CBL: variants seen among roughly 807,000 people sequenced by gnomAD.
The protein encoded by CBL is Cbl proto-oncogene.
In CBL, 45 loss-of-function variants were observed where a neutral mutation model predicts 96.9. The observed-to-expected ratio is 0.46, with a 90% CI of 0.37 to 0.60. The LOEUF (loss-of-function observed/expected upper bound fraction) is 0.60. Ranked by LOEUF, CBL falls within the 20% of genes least tolerant of loss-of-function variation. CBL has a pLI of 0.00. For missense variants in CBL, 1,024 were observed against 1,143.5 expected (o/e 0.90, Z 1.51); for synonymous variants, 420 against 426.8 (o/e 0.98, Z 0.20).
chr11:119,226,426 G>A (rs182401392), intron 1 of CBL, among the ~76,000 whole-genome samples: 1 of 152,238 alleles, frequency 6.6e-6, no homozygotes, highest in South Asian at 2.1e-4. Context: ...CTTTGATTTT[G>A]TGGTTAAAAG....
chr11:119,255,708 G>A (rs1035013616), intron 2 of CBL, among the ~76,000 whole-genome samples: 1 of 152,044 alleles, frequency 6.6e-6, no homozygotes, highest in Non-Finnish European at 1.5e-5. Context: ...TGAACAGTTT[G>A]TAAAAGAGTT....
intron 14 of CBL, 59 bp from the exon 15 acceptor site, chr11:119,298,299 G>C: frequency 6.9e-7 from 1 of 1,448,232 alleles, no homozygotes; most frequent in Non-Finnish European, 9.7e-7. Flanking sequence ...GCCCCGTATT[G>C]AAATGTATTA....
In CBL at chr11:119,296,926, C is replaced by G; in HGVS notation, c.2045C>G (p.Pro682Arg). ...AIYSLAARPL[P>R]VPKLPPGEQC... ...TATTCTTCATCTTCCAGACCTCTTCCTGTGCCAAAACTGCCACCTGGGGAG... is the reference window on the plus strand; with the variant it reads ...TATTCTTCATCTTCCAGACCTCTTCGTGTGCCAAAACTGCCACCTGGGGAG... The change falls in exon 13 of 16, where the codon CCT (proline) becomes CGT (arginine). Residue 682 changes from proline (P) to arginine (R), a missense_variant. Pro to Arg is a moderately radical substitution (Grantham distance 103). Coordinates refer to ENST00000264033, the MANE Select transcript of CBL (RefSeq NM_005188.4). 1 of 1,575,880 alleles carries G rather than the reference C, an allele frequency of 6.3e-7. No homozygotes were observed. Among genetic ancestry groups the G allele is most frequent in the Non-Finnish European group, 8.7e-7 (1 of 1,145,212 alleles).
intron 12 of CBL, among the ~76,000 whole-genome samples, chr11:119,293,419 T>C (rs937938583): frequency 1.6e-4 from 25 of 152,174 alleles, no homozygotes; most frequent in African/African-American, 5.5e-4. Flanking sequence ...ATCTTCTTTT[T>C]TTTATTGAAC....
intron 9 of CBL, among the ~76,000 whole-genome samples, chr11:119,280,109 C>A (rs1328081525): frequency 6.6e-6 from 1 of 152,226 alleles, no homozygotes; most frequent in African/African-American, 2.4e-5. Flanking sequence ...TGTATTTTGT[C>A]ATTTGGCCAT....
At chr11:119,217,048 CAAAAT>C (rs1949367476) in intron 1 of CBL, among the ~76,000 whole-genome samples, 1 of 152,194 alleles carries the variant, frequency 6.6e-6, no homozygotes, top group African/African-American at 2.4e-5. Context: ...AGTTCAATCT[CAAAAT>C]AATGTGTCTT....
At chr11:119,249,343 G>A (rs1013247733) in intron 2 of CBL, among the ~76,000 whole-genome samples, 1 of 152,118 alleles carries the variant, frequency 6.6e-6, no homozygotes, top group African/African-American at 2.4e-5. Flanking sequence ...AACACTTGAA[G>A]TCAGGAGTTT....
intron 1 of CBL, among the ~76,000 whole-genome samples, chr11:119,219,975 G>T (rs1347930731): frequency 6.6e-6 from 1 of 151,340 alleles, no homozygotes; most frequent in East Asian, 2.0e-4. Flanking sequence ...TCAGCCACCC[G>T]AGTAGCTGGG....
At chr11:119,236,194 C>G (rs922752812) in intron 2 of CBL, among the ~76,000 whole-genome samples, 1 of 152,102 alleles carries the variant, frequency 6.6e-6, no homozygotes, top group Non-Finnish European at 1.5e-5. Flanking sequence ...AACAGGAAAC[C>G]CCACTCCCAT....
At position 119,298,519 on chromosome 11, in the gene CBL, C is replaced by CTGG. The variant is rs777761446; in HGVS notation, c.2414_2416dup (p.Leu805_Asp806insVal). The CTGG allele has an allele frequency of 7.4e-6, 12 of 1,614,098 alleles. No homozygotes were observed. In the Admixed American group the frequency reaches 1.2e-4, roughly 16 times the overall value. ...CAGCTCCTCCTTTGGCTGGTTGTCT[C>CTGG]TGGATGGTGATCCTACAACAAGTGA... On this transcript the variant is annotated inframe_insertion, in exon 15 of 16. Coordinates refer to ENST00000264033, the MANE Select transcript of CBL (RefSeq NM_005188.4).
At chr11:119,228,590 G>C (rs1352490420) in intron 1 of CBL, among the ~76,000 whole-genome samples, 2 of 148,390 alleles carry the variant, frequency 1.3e-5, no homozygotes, top group African/African-American at 5.0e-5. Context: ...TGAGCGACAA[G>C]AGCAAAACTC....
At position 119,301,957 on chromosome 11, in the gene CBL, T is replaced by C. The variant is rs143211426; in HGVS notation, c.*2176T>C. ...ATTGTAATTTTTCTTTATCTGCAGA[T>C]ATTGCCTGTAGTCTAAAGATCTCTT... On this transcript the variant is annotated 3_prime_UTR_variant, in exon 16 of 16. Coordinates refer to ENST00000264033, the MANE Select transcript of CBL (RefSeq NM_005188.4). The C allele has an allele frequency of 2.6e-3, 596 of 233,256 alleles. 2 individuals are homozygous for C. Among genetic ancestry groups the C allele is most frequent in the African/African-American group, 0.011 (498 of 45,476 alleles). 14.4% of individuals were successfully genotyped at this position (233,256 alleles called of 1,614,324 possible).
At chr11:119,219,527 A>G (rs1949391251) in intron 1 of CBL, among the ~76,000 whole-genome samples, 1 of 152,028 alleles carries the variant, frequency 6.6e-6, no homozygotes, top group Non-Finnish European at 1.5e-5. Flanking sequence ...TGATTGGTGC[A>G]ATTGGGTTTG....
At chr11:119,233,577 C>T (rs1949520856) in intron 2 of CBL, among the ~76,000 whole-genome samples, 1 of 152,110 alleles carries the variant, frequency 6.6e-6, no homozygotes, top group African/African-American at 2.4e-5. Flanking sequence ...GGCTATCCTG[C>T]ATATTGTTAG....
chr11:119,277,333 T>C (rs989993844), intron 6 of CBL, among the ~76,000 whole-genome samples: 26 of 151,680 alleles, frequency 1.7e-4, no homozygotes, highest in Non-Finnish European at 3.8e-4. Context: ...CTGTGACCCA[T>C]GGGCCACCTG....
At chr11:119,235,680 G>A (rs1949540323) in intron 2 of CBL, among the ~76,000 whole-genome samples, 1 of 152,162 alleles carries the variant, frequency 6.6e-6, no homozygotes, top group Admixed American at 6.5e-5. Flanking sequence ...AAAAAAGTCT[G>A]TGTATAAGTG....
chr11:119,306,425 C>A lies in CBL; in HGVS notation c.*6644C>A, dbSNP rs1950141697. ...CCACCAACATTGCCTCTCCTACATT[C>A]TCCTTCTGCCCCTAAATCAGACAGG... On this transcript the variant is annotated 3_prime_UTR_variant, in exon 16 of 16. Transcript: ENST00000264033. The A allele has an allele frequency of 2.5e-6, 1 of 398,514 alleles. No individual in the cohort carries two copies. Among genetic ancestry groups the A allele is most frequent in the South Asian group, 1.3e-4 (1 of 7,828 alleles). The allele number at this position is 398,514 out of a possible 1,614,324, so 24.7% of individuals were successfully genotyped here.
intron 2 of CBL, among the ~76,000 whole-genome samples, chr11:119,259,604 T>C (rs1592390858): frequency 6.6e-6 from 1 of 152,174 alleles, no homozygotes; most frequent in African/African-American, 2.4e-5. Flanking sequence ...GGGAGAATTA[T>C]GATAGATACC....
At chr11:119,227,338 TTAGGA>T (rs1440886093) in intron 1 of CBL, among the ~76,000 whole-genome samples, 1 of 152,138 alleles carries the variant, frequency 6.6e-6, no homozygotes, top group African/African-American at 2.4e-5. Flanking sequence ...TACCTTCAAC[TTAGGA>T]TAGGTTTATT....
Sources: allele counts gnomAD v4.1 joint callset (sites outside exome capture counted in the v4.1 genomes callset), GRCh38; gene constraint gnomAD v4.1.1; transcripts MANE v1.5; gene names NCBI Gene and HGNC (gene_info 2026-07-23, HGNC 2026-07-21).